The following PRKG1 variants were observed in gnomAD, a reference collection of about 807,000 sequenced individuals.
The protein encoded by PRKG1 is cGMP-dependent protein kinase 1.
PRKG1 carries 35 observed loss-of-function variants against 88.1 expected under a neutral mutation model. The observed-to-expected ratio is 0.40, with a 90% confidence interval of 0.30 to 0.53. The LOEUF is 0.53. Among genes scored for constraint, PRKG1 ranks in the 20% least tolerant of loss-of-function variants. The pLI, the probability that PRKG1 is intolerant of heterozygous loss-of-function variation, is 0.59. For synonymous variants in PRKG1, 303 were observed against 292.5 expected, an observed-to-expected ratio of 1.04 and a Z score of -0.37; for missense variants, 540 against 839.8, an observed-to-expected ratio of 0.64 and a Z score of 4.41.
chr10:52,007,628 C>A (rs1844771859), intron 5 of PRKG1, among the ~76,000 whole-genome samples: 1 of 152,114 alleles, frequency 6.6e-6, no homozygotes, highest in Non-Finnish European at 1.5e-5. Context: ...TCACAAAGCA[C>A]ATTCTTAGAG....
intron 1 of PRKG1, among the ~76,000 whole-genome samples, chr10:51,140,764 C>T (rs1845800956): frequency 6.6e-6 from 1 of 152,092 alleles, no homozygotes; most frequent in South Asian, 2.1e-4. Context: ...TGACCAAGAA[C>T]CCTAGAGACT....
intron 1 of PRKG1, among the ~76,000 whole-genome samples, chr10:50,999,156 T>C (rs1842862622): frequency 6.6e-6 from 1 of 152,238 alleles, no homozygotes; most frequent in Non-Finnish European, 1.5e-5. Flanking sequence ...TCCTGTCCAG[T>C]GTGCTAGCCG....
chr10:51,013,907 C>T (rs893156405), intron 1 of PRKG1, among the ~76,000 whole-genome samples: 8 of 152,046 alleles, frequency 5.3e-5, no homozygotes, highest in South Asian at 2.1e-4. Flanking sequence ...TGTTTTAAAT[C>T]GTCTTAATCG....
intron 3 of PRKG1, among the ~76,000 whole-genome samples, chr10:51,622,838 A>G (rs1289199732): frequency 1.3e-5 from 2 of 152,214 alleles, no homozygotes; most frequent in African/African-American, 4.8e-5. Context: ...CACTTTCTCA[A>G]ATTCCAAGAT....
At position 51,629,380 on chromosome 10, in the gene PRKG1, A is replaced by G. The variant is rs543040222; in HGVS notation, c.592+161544A>G. Among the ~76,000 whole-genome samples the G allele has an allele frequency of 2.0e-5, 3 of 152,044 alleles. No individual in the cohort carries two copies. The South Asian group carries it at 6.2e-4, about 32-fold the overall frequency. On this transcript the variant is annotated intron_variant, in intron 3 of 17. Transcript: ENST00000373980. ...ATTATTACATTGTAATAATAATACA[A>G]TAGTTATACAACTCACCATAATGTA...
At chr10:51,745,019 C>T (rs529654325) in intron 3 of PRKG1, among the ~76,000 whole-genome samples, 2 of 152,162 alleles carry the variant, frequency 1.3e-5, no homozygotes, top group South Asian at 4.2e-4. Flanking sequence ...TTAATATAGA[C>T]CTGATTAACA....
At chr10:51,398,289 G>T (rs1011626923) in intron 2 of PRKG1, among the ~76,000 whole-genome samples, 1 of 152,120 alleles carries the variant, frequency 6.6e-6, no homozygotes, top group Admixed American at 6.5e-5. Flanking sequence ...GGGGTGTGCA[G>T]CCTAGATCCC....
At chr10:51,305,409 G>C (rs542478199) in intron 2 of PRKG1, among the ~76,000 whole-genome samples, 4 of 152,256 alleles carry the variant, frequency 2.6e-5, no homozygotes, top group African/African-American at 9.6e-5. Flanking sequence ...GCACAGAAAA[G>C]CTGTTGGGGG....
intron 2 of PRKG1, among the ~76,000 whole-genome samples, chr10:51,441,536 T>C (rs1411720816): frequency 6.6e-6 from 1 of 151,950 alleles, no homozygotes; most frequent in Non-Finnish European, 1.5e-5. Flanking sequence ...TAGTCCACCA[T>C]GGAGAGGTGG....
chr10:51,518,655 A>G (rs1286557097), intron 3 of PRKG1, among the ~76,000 whole-genome samples: 3 of 152,222 alleles, frequency 2.0e-5, no homozygotes, highest in Admixed American at 2.0e-4. Context: ...GAAGTAGGGC[A>G]ATGAGCTTAA....
intron 5 of PRKG1, among the ~76,000 whole-genome samples, chr10:51,989,386 G>C (rs967469775): frequency 7.8e-5 from 11 of 141,880 alleles, no homozygotes; most frequent in Non-Finnish European, 1.7e-4. Flanking sequence ...CCGTAATGTG[G>C]AGAATGACTG....
chr10:51,384,152 G>A (rs548879469), intron 2 of PRKG1, among the ~76,000 whole-genome samples: 2 of 152,230 alleles, frequency 1.3e-5, no homozygotes, highest in Admixed American at 6.5e-5. Flanking sequence ...AGATGGGAAT[G>A]AGAAACTCTG....
chr10:51,221,653 T>C (rs1249720377), intron 2 of PRKG1, among the ~76,000 whole-genome samples: 1 of 151,156 alleles, frequency 6.6e-6, no homozygotes, highest in Non-Finnish European at 1.5e-5. Flanking sequence ...TTTTTTTTCC[T>C]AACCATGTTC....
At chr10:51,076,038 C>T (rs962697783) in intron 1 of PRKG1, among the ~76,000 whole-genome samples, 2 of 152,200 alleles carry the variant, frequency 1.3e-5, no homozygotes, top group Non-Finnish European at 1.5e-5. Flanking sequence ...AAACCCTTCA[C>T]TTCATAAATA....
At chr10:52,174,699 A>T (rs1373566719) in intron 9 of PRKG1, among the ~76,000 whole-genome samples, 1 of 151,972 alleles carries the variant, frequency 6.6e-6, no homozygotes, top group African/African-American at 2.4e-5. Flanking sequence ...ATTAAGTAAA[A>T]ATGCTTCCTC....
chr10:51,136,990 T>C (rs1184182494), intron 1 of PRKG1, among the ~76,000 whole-genome samples: 2 of 152,112 alleles, frequency 1.3e-5, no homozygotes, highest in African/African-American at 2.4e-5. Context: ...GTTCATGCCA[T>C]TCTCCTGCCT....
Position 51,614,545 on chromosome 10 carries a change from G to A in PRKG1, c.592+146709G>A, listed in dbSNP as rs571961654. On this transcript the variant is annotated intron_variant, in intron 3 of 17. Transcript: ENST00000373980. ...ATTTATATTCAAGGTTATTATTGAT[G>A]TATGAGATTTTGTTTCTATCATATT... is the stretch of plus-strand genomic sequence containing the variant. Among the ~76,000 whole-genome samples the A allele has an allele frequency of 5.9e-5, 9 of 152,036 alleles. No homozygotes were observed. The South Asian group carries it at 1.9e-3, about 32-fold the overall frequency.
chr10:51,505,583 T>C (rs1361254219), intron 3 of PRKG1, among the ~76,000 whole-genome samples: 2 of 152,158 alleles, frequency 1.3e-5, no homozygotes, highest in South Asian at 4.1e-4. Context: ...AGAATTCGGC[T>C]ATGAATCCAT....
At chr10:51,343,082 G>T (rs1003468646) in intron 2 of PRKG1, among the ~76,000 whole-genome samples, 7 of 152,312 alleles carry the variant, frequency 4.6e-5, no homozygotes, top group South Asian at 2.1e-4. Context: ...TTGCTAGTTG[G>T]ATGTTTGCCC....
Sources: allele counts gnomAD v4.1 joint callset (sites outside exome capture counted in the v4.1 genomes callset), GRCh38; gene constraint gnomAD v4.1.1; transcripts MANE v1.5; gene names NCBI Gene and HGNC (gene_info 2026-07-23, HGNC 2026-07-21).